The following ST6GALNAC5 variants were observed in gnomAD, a reference collection of about 807,000 sequenced individuals.
ST6GALNAC5 encodes the protein ST6 N-acetylgalactosaminide alpha-2,6-sialyltransferase 5, also known as alpha-N-acetylgalactosaminide alpha-2,6-sialyltransferase 5.
ST6GALNAC5 carries 27 observed loss-of-function variants against 33.6 expected under a neutral mutation model. That is an observed-to-expected ratio of 0.80 (90% confidence interval 0.59 to 1.11). The LOEUF (loss-of-function observed/expected upper bound fraction) is 1.11, where lower values mean the gene tolerates loss of function less well. ST6GALNAC5 is among the 50% of genes least tolerant of loss of function. The probability of loss-of-function intolerance (pLI) is 0.00; values close to 1 mark genes in which losing one functional copy is unlikely to be tolerated. For synonymous variants in ST6GALNAC5, 194 were observed against 171.2 expected, an observed-to-expected ratio of 1.13 and a Z score of -1.04; for missense variants, 428 against 454.0, an observed-to-expected ratio of 0.94 and a Z score of 0.52.
At chr1:76,984,313 TA>T (rs1382613829) in intron 2 of ST6GALNAC5, among the ~76,000 whole-genome samples, 1 of 152,020 alleles carries the variant, frequency 6.6e-6, no homozygotes, top group East Asian at 1.9e-4. Context: ...ATAGATGCAA[TA>T]AAAAATGACA....
intron 3 of ST6GALNAC5, among the ~76,000 whole-genome samples, chr1:77,049,284 A>C (rs1393971162): frequency 6.6e-6 from 1 of 152,158 alleles, no homozygotes; most frequent in African/African-American, 2.4e-5. Context: ...TTCACATCAC[A>C]AATGATGCTA....
At chr1:77,008,512 T>C (rs988385897) in intron 2 of ST6GALNAC5, among the ~76,000 whole-genome samples, 1 of 152,102 alleles carries the variant, frequency 6.6e-6, no homozygotes, top group Non-Finnish European at 1.5e-5. Flanking sequence ...TGATTAAAAA[T>C]GTTAGCTAAA....
At chr1:76,912,489 T>G (rs1646924623) in intron 2 of ST6GALNAC5, among the ~76,000 whole-genome samples, 1 of 152,014 alleles carries the variant, frequency 6.6e-6, no homozygotes, top group Non-Finnish European at 1.5e-5. Flanking sequence ...TTGTTAACTT[T>G]CTGTCTCGTT....
At chr1:76,918,570 A>G (rs1646998858) in intron 2 of ST6GALNAC5, among the ~76,000 whole-genome samples, 1 of 144,394 alleles carries the variant, frequency 6.9e-6, no homozygotes, top group South Asian at 2.2e-4. Flanking sequence ...GTGAGCCGAG[A>G]TCACACCACT....
intron 2 of ST6GALNAC5, 100 bp from the exon 3 acceptor site, chr1:77,044,104 G>T: frequency 7.6e-7 from 1 of 1,309,140 alleles, no homozygotes; most frequent in East Asian, 2.5e-5. Flanking sequence ...GGAGAGAAGA[G>T]ATGGGTGCCC....
chr1:76,882,917 G>A (rs189089661), intron 2 of ST6GALNAC5, among the ~76,000 whole-genome samples: 45 of 152,002 alleles, frequency 3.0e-4, no homozygotes, highest in Admixed American at 2.6e-3. Context: ...ACGCACCCAG[G>A]GATACCGCTG....
At chr1:76,893,907 C>T (rs746230884) in intron 2 of ST6GALNAC5, among the ~76,000 whole-genome samples, 3 of 152,188 alleles carry the variant, frequency 2.0e-5, no homozygotes. Context: ...GATCCACCCA[C>T]CTTGGCCTCC....
At chr1:77,045,680 G>A (rs1188126542) in intron 3 of ST6GALNAC5, among the ~76,000 whole-genome samples, 6 of 152,176 alleles carry the variant, frequency 3.9e-5, no homozygotes, top group African/African-American at 1.2e-4. Context: ...GAGTGGGAGG[G>A]AGAAACCTCC....
At chr1:77,019,257 A>T (rs143131869) in intron 2 of ST6GALNAC5, among the ~76,000 whole-genome samples, 14 of 152,142 alleles carry the variant, frequency 9.2e-5, no homozygotes, top group African/African-American at 2.9e-4. Flanking sequence ...AGAATATATG[A>T]AACAAAAAGG....
At chr1:77,041,811 A>G (rs1651839495) in intron 2 of ST6GALNAC5, among the ~76,000 whole-genome samples, 1 of 152,188 alleles carries the variant, frequency 6.6e-6, no homozygotes, top group Admixed American at 6.5e-5. Context: ...CAAGGAATGG[A>G]GGTCTTTGGT....
At chr1:76,992,250 C>G (rs796228393) in intron 2 of ST6GALNAC5, among the ~76,000 whole-genome samples, 1 of 152,178 alleles carries the variant, frequency 6.6e-6, no homozygotes, top group African/African-American at 2.4e-5. Context: ...GCTCTATGCT[C>G]TAACTATCTC....
intron 2 of ST6GALNAC5, among the ~76,000 whole-genome samples, chr1:76,873,186 C>G (rs1653549240): frequency 1.3e-5 from 2 of 152,138 alleles, no homozygotes; most frequent in South Asian, 4.1e-4. Flanking sequence ...AAAGCTCTTC[C>G]CCAAGGTCTT....
chr1:77,056,155 A>G (rs1652389286), intron 4 of ST6GALNAC5, among the ~76,000 whole-genome samples: 1 of 152,196 alleles, frequency 6.6e-6, no homozygotes, highest in South Asian at 2.1e-4. Flanking sequence ...GCCATGTTGC[A>G]CCAGAAACAG....
intron 2 of ST6GALNAC5, among the ~76,000 whole-genome samples, chr1:76,985,776 C>T (rs1023165496): frequency 1.3e-5 from 2 of 152,004 alleles, no homozygotes; most frequent in African/African-American, 4.8e-5. Flanking sequence ...GCTACAGTAA[C>T]CAAAACAGCA....
chr1:77,063,397 TG>T lies in ST6GALNAC5; in HGVS notation c.*192del. The T allele has an allele frequency of 1.7e-6, 1 of 591,054 alleles. No individual in the cohort carries two copies. Among genetic ancestry groups the T allele is most frequent in the Non-Finnish European group, 3.0e-6 (1 of 331,416 alleles). 36.6% of individuals were successfully genotyped at this position (591,054 alleles called of 1,614,324 possible). A position where few individuals can be genotyped will look rare whatever the true frequency, so the allele number is the denominator to read the frequency against. ...TTGTAAGGAAAAATTCCGGAATTAA[TG>T]CATCCTAATGAATGTTGTCCCCTTC... On this transcript the variant is annotated 3_prime_UTR_variant, in exon 5 of 5. Coordinates refer to ENST00000477717, the MANE Select transcript of ST6GALNAC5 (RefSeq NM_030965.3).
chr1:77,014,461 TC>T (rs1005476445), intron 2 of ST6GALNAC5, among the ~76,000 whole-genome samples: 15 of 151,882 alleles, frequency 9.9e-5, no homozygotes, highest in African/African-American at 3.4e-4. Context: ...AAAAGGAAGG[TC>T]CCCCCACCCA....
At chr1:76,985,065 A>G (rs1369896418) in intron 2 of ST6GALNAC5, among the ~76,000 whole-genome samples, 1 of 152,244 alleles carries the variant, frequency 6.6e-6, no homozygotes, top group Non-Finnish European at 1.5e-5. Flanking sequence ...ATCATAGTGA[A>G]TGAGCAAAAA....
chr1:77,043,875 C>T (rs138369456), intron 2 of ST6GALNAC5, among the ~76,000 whole-genome samples: 2 of 152,172 alleles, frequency 1.3e-5, no homozygotes, highest in African/African-American at 4.8e-5. Flanking sequence ...CATCTCTATG[C>T]TTAAGTATCT....
chr1:77,040,855 T>C (rs577862885), intron 2 of ST6GALNAC5, among the ~76,000 whole-genome samples: 1 of 152,304 alleles, frequency 6.6e-6, no homozygotes, highest in East Asian at 1.9e-4. Flanking sequence ...TAAGCAAATG[T>C]GCTGAGTTAC....
Sources: allele counts gnomAD v4.1 joint callset (sites outside exome capture counted in the v4.1 genomes callset), GRCh38; gene constraint gnomAD v4.1.1; transcripts MANE v1.5; gene names NCBI Gene and HGNC (gene_info 2026-07-23, HGNC 2026-07-21).